FAF1: variants seen among roughly 807,000 people sequenced by gnomAD.
FAF1 encodes FAS-associated factor 1.
A neutral mutation model predicts 92.5 loss-of-function variants in FAF1; 25 were observed. The observed-to-expected ratio is 0.27, with a 90% confidence interval of 0.20 to 0.38. The LOEUF (loss-of-function observed/expected upper bound fraction) is 0.38, where lower values mean the gene tolerates loss of function less well. Ranked by LOEUF, FAF1 falls within the 10% of genes least tolerant of loss-of-function variation. The probability of loss-of-function intolerance (pLI) is 1.00; values close to 1 mark genes in which losing one functional copy is unlikely to be tolerated. For missense variants in FAF1, 636 were observed against 793.3 expected, an observed-to-expected ratio of 0.80 and a Z score of 2.38; for synonymous variants, 234 against 273.2, an observed-to-expected ratio of 0.86 and a Z score of 1.42.
intron 8 of FAF1, among the ~76,000 whole-genome samples, chr1:50,620,526 T>C (rs1653144579): frequency 6.6e-6 from 1 of 152,238 alleles, no homozygotes; most frequent in South Asian, 2.1e-4. Flanking sequence ...TTCGTTGACA[T>C]CCAGATTCTC....
At chr1:50,456,841 G>GC (rs772418105) in intron 18 of FAF1, among the ~76,000 whole-genome samples, 1 of 152,144 alleles carries the variant, frequency 6.6e-6, no homozygotes, top group Non-Finnish European at 1.5e-5. Context: ...GAAGGCAAAT[G>GC]CCTGGCTCAG....
chr1:50,558,556 G>C (rs1412860571), intron 13 of FAF1, among the ~76,000 whole-genome samples: 2 of 152,134 alleles, frequency 1.3e-5, no homozygotes, highest in Non-Finnish European at 2.9e-5. Flanking sequence ...AAAACACAGA[G>C]TAATTGGGAG....
chr1:50,730,734 C>T (rs1435608026), intron 6 of FAF1, among the ~76,000 whole-genome samples: 3 of 152,228 alleles, frequency 2.0e-5, no homozygotes, highest in Non-Finnish European at 4.4e-5. Context: ...TTAGAGGCAT[C>T]CCTCCTGCCT....
At chr1:50,890,501 A>T (rs1173706675) in intron 1 of FAF1, among the ~76,000 whole-genome samples, 1 of 152,116 alleles carries the variant, frequency 6.6e-6, no homozygotes, top group Non-Finnish European at 1.5e-5. Flanking sequence ...GGCTGGTACC[A>T]GTTGTTCTTT....
chr1:50,453,134 C>G (rs140193989), intron 18 of FAF1, among the ~76,000 whole-genome samples: 494 of 152,310 alleles, frequency 3.2e-3, no homozygotes, highest in Non-Finnish European at 3.6e-3. Flanking sequence ...AAAGACGTGG[C>G]TGGAAAGACA....
intron 9 of FAF1, among the ~76,000 whole-genome samples, chr1:50,589,897 G>C (rs2124052078): frequency 6.6e-6 from 1 of 152,124 alleles, no homozygotes; most frequent in East Asian, 1.9e-4. Flanking sequence ...TTCGCATGTG[G>C]ATATCCAGTT....
intron 15 of FAF1, among the ~76,000 whole-genome samples, chr1:50,524,785 C>T (rs1466107975): frequency 6.6e-6 from 1 of 152,092 alleles, no homozygotes; most frequent in African/African-American, 2.4e-5. Context: ...TTGGGTACTG[C>T]AACCCTGTAG....
intron 2 of FAF1, among the ~76,000 whole-genome samples, chr1:50,839,221 T>C (rs908142378): frequency 6.6e-6 from 1 of 152,126 alleles, no homozygotes; most frequent in African/African-American, 2.4e-5. Flanking sequence ...TCTACTATTA[T>C]TTTTACAAAC....
chr1:50,623,696 C>G (rs750993300), intron 8 of FAF1, among the ~76,000 whole-genome samples: 1 of 151,994 alleles, frequency 6.6e-6, no homozygotes, highest in African/African-American at 2.4e-5. Context: ...AATCCCAGCA[C>G]TTTGAGAGGC....
intron 6 of FAF1, among the ~76,000 whole-genome samples, chr1:50,709,709 C>T (rs1352474175): frequency 6.6e-6 from 1 of 152,068 alleles, no homozygotes; most frequent in African/African-American, 2.4e-5. Context: ...GCTGCTTGGG[C>T]GATACAAGGT....
At position 50,744,752 on chromosome 1, in the gene FAF1, T is replaced by G; in HGVS notation, c.391A>C (p.Asn131His). Reference protein sequence around the residue: ...TVGEIKQILENELQIPVSKML... With the variant: ...TVGEIKQILEHELQIPVSKML... ...TTGGACACAGGTATCTGAAGTTCATTTTCTAGAATCTGTTTAATCTCTCCT... is the reference window on the plus strand; with the variant it reads ...TTGGACACAGGTATCTGAAGTTCATGTTCTAGAATCTGTTTAATCTCTCCT... Residue 131 changes from asparagine (N) to histidine (H), a missense_variant, in exon 5 of 19, where the codon AAT (asparagine) becomes CAT (histidine). Asn to His is a moderately conservative substitution (Grantham distance 68). Around this residue, in one of 2 missense-constraint regions of FAF1, gnomAD observed 317 missense variants for 342.4 expected, o/e 0.93. Coordinates refer to ENST00000396153, the MANE Select transcript of FAF1 (RefSeq NM_007051.3). 3.7e-6 allele frequency: 6 copies of G among 1,607,486 alleles called. No individual in the cohort carries two copies. The highest frequency in any genetic ancestry group is 5.1e-6 in the Non-Finnish European group (6 of 1,175,716).
At position 50,439,778 on chromosome 1, in the gene FAF1, G is replaced by C. The variant is rs1190326801; in HGVS notation, c.*1662C>G. 6.6e-6 allele frequency: 1 copy of C among 152,182 alleles called. No individual in the cohort carries two copies. Among genetic ancestry groups the C allele is most frequent in the Non-Finnish European group, 1.5e-5 (1 of 68,038 alleles). 9.4% of individuals were successfully genotyped at this position (152,182 alleles called of 1,614,324 possible). A position where few individuals can be genotyped will look rare whatever the true frequency, so the allele number is the denominator to read the frequency against. On this transcript the variant is annotated 3_prime_UTR_variant, in exon 19 of 19. Transcript: ENST00000396153. ...TAGAGCCATTAGATTAGGAAGATAG[G>C]AATAGAGCTGGAGAGAAGTGTTCAG...
chr1:50,477,269 G>A (rs1481688046), intron 17 of FAF1, among the ~76,000 whole-genome samples: 8 of 152,128 alleles, frequency 5.3e-5, no homozygotes, highest in Admixed American at 2.0e-4. Flanking sequence ...TTACAGAGAT[G>A]GGAATTATAT....
chr1:50,795,863 T>C (rs1297993775), intron 3 of FAF1, among the ~76,000 whole-genome samples: 1 of 151,820 alleles, frequency 6.6e-6, no homozygotes, highest in Non-Finnish European at 1.5e-5. Flanking sequence ...CCGGATAGAG[T>C]GACTGGTCCT....
intron 13 of FAF1, among the ~76,000 whole-genome samples, chr1:50,546,711 T>C (rs1649036391): frequency 6.6e-6 from 1 of 152,152 alleles, no homozygotes; most frequent in Non-Finnish European, 1.5e-5. Context: ...TAAATAAGAA[T>C]GTTGCCTCTG....
In FAF1 at chr1:50,785,006, A is replaced by G. The variant is rs762302293; in HGVS notation, c.367+2994T>C. Among the ~76,000 whole-genome samples the G allele has an allele frequency of 8.5e-5, 13 of 152,218 alleles. 1 individual carries two copies. The Middle Eastern group carries it at 0.01, about 119-fold the overall frequency. On this transcript the variant is annotated intron_variant, in intron 4 of 18. Transcript: ENST00000396153. ...AAAGAACTTGGAACCTCATAACCTC[A>G]TAACATACACAAACATCATCTCATG...
chr1:50,518,078 T>A (rs1647301812), intron 15 of FAF1, among the ~76,000 whole-genome samples: 1 of 152,174 alleles, frequency 6.6e-6, no homozygotes, highest in East Asian at 1.9e-4. Flanking sequence ...CGAAACAGTT[T>A]CATCATACAA....
rs1403347998 is a variant in FAF1, at chr1:50,694,110, C to T, written c.657+11676G>A. Among the ~76,000 whole-genome samples the T allele has an allele frequency of 2.2e-5, 3 of 139,288 alleles. No individual in the cohort carries two copies. In the East Asian group the frequency reaches 5.8e-4, roughly 27 times the overall value. The allele number at this position is 139,288 out of a possible 152,430, so 91.4% of individuals were successfully genotyped here. ...TAAAAAAAACTGACCAGCAAAAAAA[C>T]AGCAGCCTTTAAAAATACCTTATTA... On this transcript the variant is annotated intron_variant, in intron 7 of 18. Transcript: ENST00000396153.
chr1:50,871,815 T>C (rs940567592), intron 1 of FAF1, among the ~76,000 whole-genome samples: 9 of 152,166 alleles, frequency 5.9e-5, no homozygotes, highest in African/African-American at 1.7e-4. Flanking sequence ...ATTTCAAGTC[T>C]TGTTATTTAG....
Sources: allele counts gnomAD v4.1 joint callset (sites outside exome capture counted in the v4.1 genomes callset), GRCh38; gene constraint gnomAD v4.1.1; regional missense constraint gnomAD v4.1.1; transcripts MANE v1.5; gene names NCBI Gene and HGNC (gene_info 2026-07-23, HGNC 2026-07-21).